FOXP2: variants seen among roughly 807,000 people sequenced by gnomAD.
The protein encoded by FOXP2 is forkhead box P2, also known as forkhead box protein P2.
A neutral mutation model predicts 115.8 loss-of-function variants in FOXP2; 12 were observed. The observed-to-expected ratio is 0.10, with a 90% confidence interval of 0.07 to 0.17. The LOEUF (loss-of-function observed/expected upper bound fraction) is 0.17. FOXP2 is among the 10% of genes least tolerant of loss of function. FOXP2 has a pLI of 1.00. For synonymous variants in FOXP2, 328 were observed against 297.7 expected (o/e 1.10, Z -1.05); for missense variants, 629 against 843.5 (o/e 0.75, Z 3.15).
At chr7:114,094,769 C>T (rs1419685454) in intron 1 of FOXP2, among the ~76,000 whole-genome samples, 2 of 152,098 alleles carry the variant, frequency 1.3e-5, no homozygotes, top group East Asian at 1.9e-4. Flanking sequence ...TCAAGTGATC[C>T]TCTCCCCTCA....
At chr7:114,560,608 C>G (rs923870814) in intron 3 of FOXP2, among the ~76,000 whole-genome samples, 1 of 151,910 alleles carries the variant, frequency 6.6e-6, no homozygotes, top group African/African-American at 2.4e-5. Context: ...AGAGCAAGAC[C>G]CTGTTCCCCC....
intron 1 of FOXP2, among the ~76,000 whole-genome samples, chr7:114,123,266 T>A (rs1384917856): frequency 6.7e-6 from 1 of 148,526 alleles, no homozygotes; most frequent in Non-Finnish European, 1.5e-5. Flanking sequence ...GGCAGAAGGA[T>A]CACCTAGAAC....
chr7:114,480,965 TG>T (rs922709847), intron 2 of FOXP2, among the ~76,000 whole-genome samples: 18 of 151,268 alleles, frequency 1.2e-4, no homozygotes, highest in Non-Finnish European at 2.4e-4. Context: ...ATAATGAATG[TG>T]GTTTAAAATT....
intron 3 of FOXP2, among the ~76,000 whole-genome samples, chr7:114,570,348 T>C (rs1487009631): frequency 6.6e-6 from 1 of 151,904 alleles, no homozygotes; most frequent in Non-Finnish European, 1.5e-5. Flanking sequence ...TCACATGACA[T>C]GGTAGGACAG....
intron 1 of FOXP2, among the ~76,000 whole-genome samples, chr7:114,095,280 G>A (rs1358659473): frequency 6.6e-6 from 1 of 152,076 alleles, no homozygotes; most frequent in Non-Finnish European, 1.5e-5. Flanking sequence ...TTTAAGAAAT[G>A]CATGGAATCA....
rs946581272 is a variant in FOXP2 at position 114,457,670 on chromosome 7, G to A, written c.168+30991G>A. 3.6e-4 allele frequency among the ~76,000 whole-genome samples: 55 copies of A among 152,198 alleles called. 1 individual carries two copies. Among genetic ancestry groups the A allele is most frequent in the Admixed American group, 2.6e-3 (39 of 15,286 alleles). On this transcript the variant is annotated intron_variant, in intron 2 of 16. Transcript: ENST00000350908. ...TCCCAGCACTTTCGGAGGCCAAGGCGGGCAGATCACGAGGTCAGGAGATCG... is the reference window on the plus strand; with the variant it reads ...TCCCAGCACTTTCGGAGGCCAAGGCAGGCAGATCACGAGGTCAGGAGATCG...
chr7:114,506,126 A>G (rs1047943432), intron 2 of FOXP2, among the ~76,000 whole-genome samples: 2 of 151,740 alleles, frequency 1.3e-5, no homozygotes, highest in Non-Finnish European at 3.0e-5. Context: ...TGCTTAGTGA[A>G]TGAACAAATA....
chr7:114,478,795 C>T lies in FOXP2; in HGVS notation c.168+52116C>T, dbSNP rs560149767. On this transcript the variant is annotated intron_variant, in intron 2 of 16. Coordinates refer to ENST00000350908, the MANE Select transcript of FOXP2 (RefSeq NM_014491.4). Reference sequence around the variant, plus strand: ...TTGTAAATGAACTAACACAACACCACGTTTAGCATGATATATTGGTGACTT... The same window carrying T: ...TTGTAAATGAACTAACACAACACCATGTTTAGCATGATATATTGGTGACTT... 1.1e-4 allele frequency among the ~76,000 whole-genome samples: 16 copies of T among 151,784 alleles called. No individual in the cohort carries two copies. In the South Asian group the frequency reaches 2.1e-3, roughly 20 times the overall value.
chr7:114,556,320 C>G (rs944355509), intron 3 of FOXP2, among the ~76,000 whole-genome samples: 5 of 151,834 alleles, frequency 3.3e-5, no homozygotes, highest in African/African-American at 1.2e-4. Flanking sequence ...TCCTTATTGG[C>G]AAGAAAAGGA....
intron 1 of FOXP2, among the ~76,000 whole-genome samples, chr7:114,127,943 CAT>C (rs561102990): frequency 1.5e-4 from 23 of 152,168 alleles, no homozygotes; most frequent in Non-Finnish European, 2.4e-4. Flanking sequence ...GTAAAATGAA[CAT>C]ATGTCTTGTT....
intron 2 of FOXP2, among the ~76,000 whole-genome samples, chr7:114,299,666 G>A (rs1375972796): frequency 1.3e-5 from 2 of 151,834 alleles, no homozygotes; most frequent in African/African-American, 2.4e-5. Context: ...GTCACTTAAA[G>A]CTATAAATAT....
At chr7:114,347,734 T>C (rs930701697) in intron 2 of FOXP2, among the ~76,000 whole-genome samples, 6 of 152,030 alleles carry the variant, frequency 3.9e-5, no homozygotes, top group African/African-American at 9.7e-5. Context: ...GGCAGAGGTA[T>C]GTGAGTAATG....
chr7:114,251,694 A>G (rs1407408201), intron 1 of FOXP2, among the ~76,000 whole-genome samples: 2 of 152,146 alleles, frequency 1.3e-5, no homozygotes, highest in African/African-American at 4.8e-5. Context: ...TTTGAGCTGT[A>G]ACAATGGGGT....
intron 5 of FOXP2, chr7:114,630,633 C>T (rs1403382778): frequency 6.5e-6 from 1 of 154,392 alleles, no homozygotes; most frequent in Non-Finnish European, 1.4e-5. Context: ...CCGTTGTCTT[C>T]AAGCTGCCCA....
intron 2 of FOXP2, among the ~76,000 whole-genome samples, chr7:114,312,241 T>A (rs1208363148): frequency 2.0e-5 from 3 of 152,146 alleles, no homozygotes; most frequent in Non-Finnish European, 4.4e-5. Flanking sequence ...TTGCCTATGG[T>A]TGCTGGACTT....
intron 2 of FOXP2, among the ~76,000 whole-genome samples, chr7:114,472,304 A>T (rs1346871876): frequency 6.6e-6 from 1 of 151,798 alleles, no homozygotes; most frequent in Non-Finnish European, 1.5e-5. Context: ...AGCTAAATTT[A>T]TTAAAAGGTG....
intron 1 of FOXP2, among the ~76,000 whole-genome samples, chr7:114,093,908 A>G (rs1184521813): frequency 6.6e-6 from 1 of 152,188 alleles, no homozygotes; most frequent in East Asian, 1.9e-4. Flanking sequence ...ACCGAAAGTT[A>G]AACTGATGGA....
At chr7:114,176,005 G>C (rs1793279308) in intron 1 of FOXP2, among the ~76,000 whole-genome samples, 1 of 151,938 alleles carries the variant, frequency 6.6e-6, no homozygotes, top group African/African-American at 2.4e-5. Flanking sequence ...TCTCCCCCTA[G>C]ATTTATTTTA....
intron 2 of FOXP2, among the ~76,000 whole-genome samples, chr7:114,453,782 T>C (rs1795168757): frequency 6.6e-6 from 1 of 152,288 alleles, no homozygotes; most frequent in Non-Finnish European, 1.5e-5. Context: ...ATTCCCTATT[T>C]AATAAATGGT....
Sources: allele counts gnomAD v4.1 joint callset (sites outside exome capture counted in the v4.1 genomes callset), GRCh38; gene constraint gnomAD v4.1.1; transcripts MANE v1.5; gene names NCBI Gene and HGNC (gene_info 2026-07-23, HGNC 2026-07-21).